Variants in BZW2 observed in about 807,000 individuals in gnomAD.
The protein encoded by BZW2 is eIF5-mimic protein 1.
Under a neutral mutation model 53.2 loss-of-function variants are expected in BZW2, and 23 were observed. That is an observed-to-expected ratio of 0.43 (90% CI 0.31 to 0.61). BZW2 has a LOEUF of 0.61. BZW2 is among the 20% of genes least tolerant of loss of function. The pLI is 0.09. For synonymous variants in BZW2, 227 were observed against 186.4 expected (o/e 1.22, Z -1.77); for missense variants, 409 against 503.1 (o/e 0.81, Z 1.79).
chr7:16,675,801 C>T (rs183286027), intron 3 of BZW2, among the ~76,000 whole-genome samples: 4 of 152,322 alleles, frequency 2.6e-5, no homozygotes, highest in East Asian at 3.9e-4. Context: ...CTTTAGCAGC[C>T]GGGCGTGGTG....
At chr7:16,679,548 C>T (rs887129873) in intron 3 of BZW2, among the ~76,000 whole-genome samples, 1 of 152,216 alleles carries the variant, frequency 6.6e-6, no homozygotes, top group Non-Finnish European at 1.5e-5. Flanking sequence ...GGATGATAAG[C>T]TAAGGAAAGT....
chr7:16,683,513 CA>C (rs559634746), intron 5 of BZW2, among the ~76,000 whole-genome samples: 96 of 152,342 alleles, frequency 6.3e-4, no homozygotes, highest in African/African-American at 2.2e-3. Flanking sequence ...TGTAGCACAG[CA>C]GCTAATGTTC....
chr7:16,657,601 T>G (rs1344045589), intron 1 of BZW2, among the ~76,000 whole-genome samples: 2 of 152,250 alleles, frequency 1.3e-5, no homozygotes, highest in Non-Finnish European at 2.9e-5. Context: ...AATAAATTGT[T>G]AGTATCAGAG....
intron 1 of BZW2, among the ~76,000 whole-genome samples, chr7:16,651,272 G>C (rs968908885): frequency 6.6e-6 from 1 of 152,136 alleles, no homozygotes; most frequent in East Asian, 1.9e-4. Context: ...CAGGTGTACT[G>C]TTATTTTTGA....
chr7:16,691,864 G>C (rs1387612497), intron 7 of BZW2, among the ~76,000 whole-genome samples: 2 of 150,622 alleles, frequency 1.3e-5, no homozygotes, highest in Non-Finnish European at 2.9e-5. Context: ...TCATTTAGCT[G>C]TTTTTACTAG....
intron 1 of BZW2, among the ~76,000 whole-genome samples, chr7:16,657,536 C>G (rs1361826734): frequency 6.6e-6 from 1 of 152,178 alleles, no homozygotes; most frequent in African/African-American, 2.4e-5. Context: ...CATATTCTTG[C>G]CTATCCTCTG....
At chr7:16,687,808 C>A (rs1783173536) in intron 6 of BZW2, among the ~76,000 whole-genome samples, 1 of 152,118 alleles carries the variant, frequency 6.6e-6, no homozygotes, top group Non-Finnish European at 1.5e-5. Flanking sequence ...ATGGGATTAT[C>A]CTACTCAGAG....
chr7:16,690,912 C>T (rs893586521), intron 7 of BZW2, among the ~76,000 whole-genome samples: 1 of 152,216 alleles, frequency 6.6e-6, no homozygotes, highest in African/African-American at 2.4e-5. Context: ...AAAAATAAGA[C>T]ACAGCGCTGC....
In BZW2 at chr7:16,690,384, T is replaced by A. The variant is rs138107335; in HGVS notation, c.651+478T>A. Among the ~76,000 whole-genome samples, 980 of 152,116 alleles carry A rather than the reference T, an allele frequency of 6.4e-3. 9 individuals are homozygous for A. Among genetic ancestry groups the A allele is most frequent in the African/African-American group, 0.022 (927 of 41,478 alleles). ...ACCCAGCTAATTTTTGGATTTTTTTTAATAGAGACGGGGTTTCACCATGTT... is the reference window on the plus strand; with the variant it reads ...ACCCAGCTAATTTTTGGATTTTTTTAAATAGAGACGGGGTTTCACCATGTT... On this transcript the variant is annotated intron_variant, in intron 7 of 11. Coordinates refer to ENST00000258761, the MANE Select transcript of BZW2 (RefSeq NM_014038.3).
Position 16,706,118 on chromosome 7 carries a change from C to T in BZW2, c.*30C>T. 1 of 1,607,284 alleles carries T rather than the reference C, an allele frequency of 6.2e-7. No homozygotes were observed. The highest frequency in any genetic ancestry group is 8.5e-7 in the Non-Finnish European group (1 of 1,175,992). On this transcript the variant is annotated 3_prime_UTR_variant, in exon 12 of 12. Transcript: ENST00000258761. ...CTCAACAAGCACAATACCTAGGTTA[C>T]CACACACCACTTTTTGATTGGGAAT...
chr7:16,659,771 G>A (rs1190195525), intron 1 of BZW2, among the ~76,000 whole-genome samples: 1 of 151,934 alleles, frequency 6.6e-6, no homozygotes, highest in Non-Finnish European at 1.5e-5. Context: ...TGAGTTTTGT[G>A]TGTTGTTATT....
At chr7:16,676,421 G>T (rs1403054826) in intron 3 of BZW2, among the ~76,000 whole-genome samples, 1 of 152,072 alleles carries the variant, frequency 6.6e-6, no homozygotes, top group Non-Finnish European at 1.5e-5. Context: ...AGTGGTGGGT[G>T]CCTGTAATCC....
intron 8 of BZW2, among the ~76,000 whole-genome samples, chr7:16,696,305 G>A (rs372084464): frequency 7.1e-4 from 108 of 152,288 alleles, no homozygotes; most frequent in Non-Finnish European, 1.3e-3. Context: ...TCAGGGTTGA[G>A]TATAAATTTG....
chr7:16,681,550 G>T, intron 4 of BZW2, 146 bp downstream of exon 4: 2 of 677,926 alleles, frequency 3.0e-6, no homozygotes, highest in Non-Finnish European at 4.8e-6. Context: ...ACAAAAATAG[G>T]CCTAGCAGTG....
At chr7:16,677,678 A>G (rs1418921469) in intron 3 of BZW2, among the ~76,000 whole-genome samples, 1 of 152,154 alleles carries the variant, frequency 6.6e-6, no homozygotes, top group Non-Finnish European at 1.5e-5. Context: ...GAGGTTAAAG[A>G]TACAGGGATT....
chr7:16,668,547 G>A (rs1222823427), intron 2 of BZW2, among the ~76,000 whole-genome samples: 2 of 152,164 alleles, frequency 1.3e-5, no homozygotes, highest in African/African-American at 4.8e-5. Context: ...GCCTCCTGAT[G>A]ATTTCTCATC....
At chr7:16,662,592 C>T (rs1228351827) in intron 1 of BZW2, among the ~76,000 whole-genome samples, 2 of 150,616 alleles carry the variant, frequency 1.3e-5, no homozygotes, top group Non-Finnish European at 3.0e-5. Context: ...AGGAAGGACT[C>T]ACACTTTAGA....
intron 11 of BZW2, 37 bp downstream of exon 11, chr7:16,704,706 CA>C: frequency 1.3e-6 from 2 of 1,506,616 alleles, no homozygotes; most frequent in South Asian, 1.3e-5. Flanking sequence ...GACCTTTAAA[CA>C]CTGTCTCATT....
chr7:16,660,036 C>T (rs706026), intron 1 of BZW2, among the ~76,000 whole-genome samples: 1 of 148,994 alleles, frequency 6.7e-6, no homozygotes, highest in Non-Finnish European at 1.5e-5. Context: ...CCTGTGTCCA[C>T]GTGTTCTCAT....
Sources: gnomAD v4.1 joint callset for allele counts (sites outside exome capture counted in the v4.1 genomes callset) on GRCh38, gnomAD v4.1.1 for gene constraint, MANE v1.5 for transcripts, NCBI Gene and HGNC (gene_info 2026-07-23, HGNC 2026-07-21) for gene names.